The following CDK14 variants were observed in gnomAD, a reference collection of about 807,000 sequenced individuals.
CDK14 encodes cyclin dependent kinase 14, also known as cyclin-dependent kinase 14.
CDK14 carries 34 observed loss-of-function variants against 60.7 expected under a neutral mutation model. The observed-to-expected ratio is 0.56, with a 90% CI of 0.43 to 0.75. The LOEUF (loss-of-function observed/expected upper bound fraction) is 0.75, where lower values mean the gene tolerates loss of function less well. CDK14 is among the 30% of genes least tolerant of loss of function. The pLI is 0.00. For synonymous variants in CDK14, 197 were observed against 203.7 expected (o/e 0.97, Z 0.28); for missense variants, 482 against 564.1 (o/e 0.85, Z 1.47).
At chr7:90,621,091 G>A (rs1190939550) in intron 2 of CDK14, among the ~76,000 whole-genome samples, 1 of 152,132 alleles carries the variant, frequency 6.6e-6, no homozygotes, top group East Asian at 1.9e-4. Context: ...AGGAAACAGC[G>A]TTCACATATG....
At position 90,863,697 on chromosome 7, in the gene CDK14, T is replaced by TG. The variant is rs57185642; in HGVS notation, c.639+428_639+429insG. 8.7e-3 allele frequency among the ~76,000 whole-genome samples: 1,302 copies of TG among 149,486 alleles called. 21 individuals carry two copies. Among genetic ancestry groups the TG allele is most frequent in the African/African-American group, 0.023 (931 of 40,944 alleles). ...GTGTGTGTGTGTGTGTGTGTGTGTG[T>TG]TTGTGTGTGTGTGTGTAGGAAAGCC... On this transcript the variant is annotated intron_variant, in intron 6 of 14. Coordinates refer to ENST00000380050, the MANE Select transcript of CDK14 (RefSeq NM_001287135.2).
chr7:91,006,076 A>G (rs1795972402), intron 10 of CDK14, among the ~76,000 whole-genome samples: 1 of 152,236 alleles, frequency 6.6e-6, no homozygotes, highest in Non-Finnish European at 1.5e-5. Context: ...GTGGGTGGAC[A>G]CCGCTGGACC....
intron 11 of CDK14, among the ~76,000 whole-genome samples, chr7:91,064,985 G>A (rs994124779): frequency 5.3e-5 from 8 of 150,784 alleles, no homozygotes; most frequent in Admixed American, 2.0e-4. Context: ...ATGGTTTGGC[G>A]ACCTCATCTG....
At chr7:90,649,469 C>CT (rs1454944933) in intron 2 of CDK14, among the ~76,000 whole-genome samples, 6 of 135,868 alleles carry the variant, frequency 4.4e-5, no homozygotes, top group South Asian at 2.4e-4. Flanking sequence ...ATTTCTCTTT[C>CT]TTTTTTTTTA....
chr7:91,025,838 C>CCAGGT (rs1401191532), intron 10 of CDK14, among the ~76,000 whole-genome samples: 3 of 152,262 alleles, frequency 2.0e-5, no homozygotes, highest in African/African-American at 7.2e-5. Flanking sequence ...GAATGAGTCC[C>CCAGGT]CAGGTCTCAG....
intron 7 of CDK14, among the ~76,000 whole-genome samples, chr7:90,904,695 T>G (rs1487960809): frequency 9.2e-6 from 1 of 108,442 alleles, no homozygotes; most frequent in Non-Finnish European, 2.3e-5. Context: ...CCATAATTCT[T>G]TCAAATGTAT....
chr7:91,042,083 T>C (rs746026883), intron 10 of CDK14, among the ~76,000 whole-genome samples: 1 of 152,076 alleles, frequency 6.6e-6, no homozygotes, highest in Non-Finnish European at 1.5e-5. Flanking sequence ...GTCCAGAAGG[T>C]CTTTCAGGAA....
chr7:90,611,669 G>T (rs972077347), intron 2 of CDK14, among the ~76,000 whole-genome samples: 3 of 152,102 alleles, frequency 2.0e-5, no homozygotes, highest in Non-Finnish European at 4.4e-5. Context: ...CTTGCCTCCT[G>T]CTCCAACAGA....
At chr7:90,931,011 G>A (rs1793576348) in intron 8 of CDK14, among the ~76,000 whole-genome samples, 1 of 152,058 alleles carries the variant, frequency 6.6e-6, no homozygotes, top group Non-Finnish European at 1.5e-5. Context: ...AACATGAAGA[G>A]CTTTCAAGTA....
At chr7:90,852,406 G>C (rs77095067) in intron 5 of CDK14, among the ~76,000 whole-genome samples, 5 of 152,062 alleles carry the variant, frequency 3.3e-5, no homozygotes, top group Admixed American at 1.3e-4. Flanking sequence ...ACCCTTTATA[G>C]GTATGTATTC....
intron 12 of CDK14, among the ~76,000 whole-genome samples, chr7:91,111,831 G>A (rs1799476508): frequency 6.6e-6 from 1 of 152,128 alleles, no homozygotes; most frequent in African/African-American, 2.4e-5. Context: ...TGAAAAGCAA[G>A]GCTGAGCTGG....
intron 14 of CDK14, among the ~76,000 whole-genome samples, chr7:91,123,742 G>A (rs1461542409): frequency 2.0e-5 from 3 of 151,644 alleles, no homozygotes; most frequent in Non-Finnish European, 4.4e-5. Flanking sequence ...TTTTCTTTGG[G>A]TCAACTCTGA....
chr7:90,913,512 A>G (rs895569467), intron 7 of CDK14, among the ~76,000 whole-genome samples: 1 of 152,262 alleles, frequency 6.6e-6, no homozygotes, highest in African/African-American at 2.4e-5. Context: ...TCATAGAAGA[A>G]TAGTTACCCA....
At chr7:90,756,669 T>C (rs531272258) in intron 4 of CDK14, among the ~76,000 whole-genome samples, 1 of 152,314 alleles carries the variant, frequency 6.6e-6, no homozygotes, top group Admixed American at 6.5e-5. Flanking sequence ...ATAGCAGGAC[T>C]TGAGAGCTAA....
At chr7:90,885,040 A>G (rs1425646747) in intron 6 of CDK14, among the ~76,000 whole-genome samples, 1 of 152,194 alleles carries the variant, frequency 6.6e-6, no homozygotes, top group Non-Finnish European at 1.5e-5. Flanking sequence ...AGATGTCATG[A>G]CAGAAACGCC....
At chr7:90,877,017 A>G (rs1436553551) in intron 6 of CDK14, among the ~76,000 whole-genome samples, 1 of 152,222 alleles carries the variant, frequency 6.6e-6, no homozygotes, top group Non-Finnish European at 1.5e-5. Context: ...ATAGAAAATA[A>G]TTATGGCTGT....
At chr7:90,855,608 G>A (rs1391142464) in intron 5 of CDK14, among the ~76,000 whole-genome samples, 1 of 152,118 alleles carries the variant, frequency 6.6e-6, no homozygotes, top group Non-Finnish European at 1.5e-5. Flanking sequence ...GTGGTGATTT[G>A]GTAGCAGATT....
At chr7:90,965,033 C>G (rs780272579) in intron 9 of CDK14, among the ~76,000 whole-genome samples, 18 of 152,132 alleles carry the variant, frequency 1.2e-4, no homozygotes, top group Non-Finnish European at 2.2e-4. Context: ...TCTATCAGTT[C>G]CATTTACTTT....
chr7:90,668,880 T>C (rs1221369883), intron 2 of CDK14, among the ~76,000 whole-genome samples: 1 of 149,624 alleles, frequency 6.7e-6, no homozygotes, highest in African/African-American at 2.5e-5. Context: ...GGCTATTTTT[T>C]TTTTGTTTAT....
Sources: allele counts gnomAD v4.1 joint callset (sites outside exome capture counted in the v4.1 genomes callset), GRCh38; gene constraint gnomAD v4.1.1; transcripts MANE v1.5; gene names NCBI Gene and HGNC (gene_info 2026-07-23, HGNC 2026-07-21).